MICAL2: variants seen among roughly 807,000 people sequenced by gnomAD.
MICAL2 encodes the protein [F-actin]-monooxygenase MICAL2.
A neutral mutation model predicts 127.3 loss-of-function variants in MICAL2; 77 were observed. That is an observed-to-expected ratio of 0.60 (90% confidence interval 0.50 to 0.73). The LOEUF is 0.73. Ranked by LOEUF, MICAL2 falls within the 30% of genes least tolerant of loss-of-function variation. The pLI is 0.00. For synonymous variants in MICAL2, 570 were observed against 551.1 expected, an observed-to-expected ratio of 1.03 and a Z score of -0.48; for missense variants, 1,351 against 1,434.4, an observed-to-expected ratio of 0.94 and a Z score of 0.94.
chr11:12,229,847 C>T (rs1374748586), intron 15 of MICAL2, among the ~76,000 whole-genome samples: 31 of 152,216 alleles, frequency 2.0e-4, no homozygotes, highest in Admixed American at 2.0e-3. Context: ...CAGGGTGTGT[C>T]CCTTGGCTGC....
chr11:12,309,731 T>C (rs1404797843), intron 29 of MICAL2, among the ~76,000 whole-genome samples: 2 of 152,172 alleles, frequency 1.3e-5, no homozygotes, highest in Non-Finnish European at 2.9e-5. Context: ...TGTTTTTAGT[T>C]TTTTGAGAAA....
At chr11:12,261,236 C>T (rs1447152256) in intron 26 of MICAL2, 2 of 985,400 alleles carry the variant, frequency 2.0e-6, no homozygotes, top group Admixed American at 1.2e-4. Context: ...TCCGCTGCCA[C>T]ACATATGTGG....
At chr11:12,224,917 T>C in intron 13 of MICAL2, 97 bp downstream of exon 13, 2 of 1,414,064 alleles carry the variant, frequency 1.4e-6, no homozygotes, top group South Asian at 2.6e-5. Flanking sequence ...TATTTCTCTT[T>C]CTGTGTTTCA....
At chr11:12,239,297 C>A in intron 16 of MICAL2, 139 bp from the exon 17 acceptor site, 1 of 1,163,926 alleles carries the variant, frequency 8.6e-7, no homozygotes, top group Non-Finnish European at 1.3e-6. Flanking sequence ...GGTGGCCCTG[C>A]TGCCTCTGCC....
At chr11:12,336,279 T>C (rs1488612827) in intron 32 of MICAL2, among the ~76,000 whole-genome samples, 5 of 152,126 alleles carry the variant, frequency 3.3e-5, no homozygotes, top group South Asian at 2.1e-4. Flanking sequence ...TATAAGAATG[T>C]CTGTGATTTT....
intron 3 of MICAL2, among the ~76,000 whole-genome samples, chr11:12,203,226 C>T (rs72866058): frequency 1.3e-5 from 2 of 152,280 alleles, no homozygotes; most frequent in East Asian, 1.9e-4. Flanking sequence ...TGAACATTCA[C>T]GTACAGGATT....
chr11:12,147,180 G>T (rs1416356400), intron 2 of MICAL2, among the ~76,000 whole-genome samples: 4 of 151,834 alleles, frequency 2.6e-5, no homozygotes, highest in Non-Finnish European at 4.4e-5. Flanking sequence ...TGCACATTGT[G>T]CACATGTACC....
intron 3 of MICAL2, among the ~76,000 whole-genome samples, chr11:12,190,542 CT>C (rs1295726391): frequency 3.3e-5 from 5 of 152,206 alleles, no homozygotes; most frequent in African/African-American, 1.2e-4. Context: ...CTTTTCTCCC[CT>C]GACCCCAAAA....
chr11:12,323,964 A>T (rs372831645), intron 30 of MICAL2: 2 of 1,591,604 alleles, frequency 1.3e-6, no homozygotes, highest in Non-Finnish European at 1.7e-6. Flanking sequence ...TTTTTTCTCC[A>T]TTGGTTTTCA....
intron 22 of MICAL2, chr11:12,255,381 T>A (rs1862187334): frequency 2.2e-6 from 1 of 460,148 alleles, no homozygotes; most frequent in East Asian, 3.9e-5. Context: ...CTCTACGATT[T>A]TGACTACTCT....
intron 22 of MICAL2, chr11:12,253,613 T>G (rs558856239): frequency 6.6e-6 from 1 of 152,120 alleles, no homozygotes; most frequent in Non-Finnish European, 1.5e-5. Flanking sequence ...AATGGAAAGG[T>G]TTTCCCTGAG....
At chr11:12,194,930 G>A (rs1176187735) in intron 3 of MICAL2, among the ~76,000 whole-genome samples, 1 of 152,064 alleles carries the variant, frequency 6.6e-6, no homozygotes, top group Admixed American at 6.5e-5. Context: ...CAGGCAGTAG[G>A]AAAAAAGAGT....
chr11:12,293,564 A>G, downstream of MICAL2: 1 of 1,600,282 alleles, frequency 6.2e-7, no homozygotes, highest in Non-Finnish European at 8.5e-7. Context: ...CATCTAGATG[A>G]CAGCTTCTGA....
chr11:12,198,705 C>T (rs1206731885), intron 3 of MICAL2, among the ~76,000 whole-genome samples: 1 of 152,168 alleles, frequency 6.6e-6, no homozygotes, highest in Non-Finnish European at 1.5e-5. Context: ...AGGAAGACAG[C>T]ACCATGCATG....
At chr11:12,296,519 T>A (rs1360147755), downstream of MICAL2, among the ~76,000 whole-genome samples, 1 of 148,932 alleles carries the variant, frequency 6.7e-6, no homozygotes, top group East Asian at 2.0e-4. Context: ...CATAACACAT[T>A]AAATTTTGTG....
intron 26 of MICAL2, chr11:12,260,839 C>T (rs923683136): frequency 1.0e-6 from 1 of 985,376 alleles, no homozygotes; most frequent in South Asian, 4.7e-5. Context: ...AAAGGCTTTC[C>T]CCCCCATACC....
intron 24 of MICAL2, 135 bp downstream of exon 24, chr11:12,257,106 C>A: frequency 1.0e-6 from 1 of 978,838 alleles, no homozygotes; most frequent in Non-Finnish European, 1.4e-6. Flanking sequence ...ATCAGGAAAG[C>A]TGCTCAGGGA....
At chr11:12,138,993 A>G (rs1852091281) in intron 2 of MICAL2, among the ~76,000 whole-genome samples, 1 of 152,140 alleles carries the variant, frequency 6.6e-6, no homozygotes, top group South Asian at 2.1e-4. Flanking sequence ...GTGGTAGGCT[A>G]ATAAGTGCCC....
chr11:12,283,343 T>TAAAAAAAAAAAAA (rs56832587), intron 2 of MICAL2, among the ~76,000 whole-genome samples: 1 of 132,586 alleles, frequency 7.5e-6, no homozygotes, highest in Non-Finnish European at 1.6e-5. Context: ...GTGTGGAGTT[T>TAAAAAAAAAAAAA]AAAAAAAAAA....
Sources: allele counts gnomAD v4.1 joint callset (sites outside exome capture counted in the v4.1 genomes callset), GRCh38; gene constraint gnomAD v4.1.1; transcripts MANE v1.5; gene names NCBI Gene and HGNC (gene_info 2026-07-23, HGNC 2026-07-21).